Variants in MTRF1L observed in about 807,000 individuals in gnomAD.
MTRF1L encodes the protein mitochondrial translation release factor 1 like, also known as peptide chain release factor 1-like, mitochondrial.
MTRF1L carries 29 observed loss-of-function variants against 40.0 expected under a neutral mutation model. The ratio of observed to expected loss-of-function variants is 0.73; its 90% confidence interval spans 0.54 to 0.99. The LOEUF (loss-of-function observed/expected upper bound fraction) is 0.99. MTRF1L is among the 50% of genes least tolerant of loss of function. The probability of loss-of-function intolerance (pLI) is 0.00; values close to 1 mark genes in which losing one functional copy is unlikely to be tolerated. For synonymous variants in MTRF1L, 150 were observed against 175.8 expected (o/e 0.85, Z 1.16); for missense variants, 412 against 464.5 (o/e 0.89, Z 1.04).
rs1778376397 is a variant in MTRF1L at position 152,987,452 on chromosome 6, T to TCTTG, written c.*2439_*2442dup. ...TTGAGCAAAGGAGTGACGAGATCAG[T>TCTTG]CTTGCTTTTTAGAAAGATTAGTTTG... On this transcript the variant is annotated 3_prime_UTR_variant, in exon 7 of 7. Transcript: ENST00000367233. The TCTTG allele has an allele frequency of 6.6e-6, 1 of 152,160 alleles. No individual in the cohort carries two copies. Among genetic ancestry groups the TCTTG allele is most frequent in the South Asian group, 2.1e-4 (1 of 4,830 alleles). The allele number at this position is 152,160 out of a possible 1,614,324, so 9.4% of individuals were successfully genotyped here.
At chr6:152,994,203 C>G (rs188717763) in intron 4 of MTRF1L, among the ~76,000 whole-genome samples, 136 of 152,178 alleles carry the variant, frequency 8.9e-4, no homozygotes, top group African/African-American at 3.1e-3. Context: ...ACCAGTCACA[C>G]AAGGCAGAAG....
At chr6:152,999,798 T>G (rs1778847201) in intron 1 of MTRF1L, among the ~76,000 whole-genome samples, 1 of 152,254 alleles carries the variant, frequency 6.6e-6, no homozygotes, top group African/African-American at 2.4e-5. Context: ...GTTAGTCTAT[T>G]AAACCTCTTT....
At chr6:152,996,366 T>A (rs1778714305) in intron 2 of MTRF1L, among the ~76,000 whole-genome samples, 1 of 152,210 alleles carries the variant, frequency 6.6e-6, no homozygotes, top group Non-Finnish European at 1.5e-5. Context: ...TTTACTTCTG[T>A]TTGTTGATTA....
chr6:152,990,159 C>T (rs1778456134), intron 6 of MTRF1L, 64 bp from the exon 7 acceptor site: 6 of 1,564,482 alleles, frequency 3.8e-6, no homozygotes, highest in Non-Finnish European at 4.3e-6. Context: ...ACAAATTTAA[C>T]TTATTTGGAG....
chr6:152,991,988 C>T (rs919069284), intron 5 of MTRF1L, among the ~76,000 whole-genome samples: 6 of 152,098 alleles, frequency 3.9e-5, no homozygotes, highest in African/African-American at 1.2e-4. Context: ...CATGAAAAAT[C>T]CTATTACCAG....
intron 5 of MTRF1L, among the ~76,000 whole-genome samples, chr6:152,992,364 G>A (rs899698236): frequency 2.6e-5 from 4 of 152,124 alleles, no homozygotes; most frequent in Admixed American, 1.3e-4. Flanking sequence ...AGATCCCCTC[G>A]AAGTATGTGA....
At chr6:152,993,031 C>A in intron 4 of MTRF1L, 57 bp from the exon 5 acceptor site, 1 of 1,267,926 alleles carries the variant, frequency 7.9e-7, no homozygotes, top group Non-Finnish European at 1.1e-6. Context: ...TTTATAAAGG[C>A]AAGAGCGACC....
At chr6:152,998,656 G>T (rs772345184) in intron 1 of MTRF1L, 27 bp from the exon 2 acceptor site, 1 of 1,515,398 alleles carries the variant, frequency 6.6e-7, no homozygotes, top group Non-Finnish European at 8.9e-7. Context: ...AGAAGTTAAG[G>T]TTTTCCTTAA....
intron 5 of MTRF1L, 72 bp from the exon 6 acceptor site, chr6:152,991,393 T>A: frequency 7.0e-7 from 1 of 1,423,136 alleles, no homozygotes; most frequent in Non-Finnish European, 9.3e-7. Context: ...GGAATACTTT[T>A]CCTCCTCATC....
At chr6:152,991,509 A>C (rs1778515671) in intron 5 of MTRF1L, 188 bp from the exon 6 acceptor site, 1 of 593,452 alleles carries the variant, frequency 1.7e-6, no homozygotes, top group Non-Finnish European at 2.6e-6. Flanking sequence ...TGAAAATTTA[A>C]GTTTTGAGCA....
intron 2 of MTRF1L, 187 bp downstream of exon 2, chr6:152,998,363 C>T: frequency 2.4e-6 from 1 of 409,234 alleles, no homozygotes; most frequent in South Asian, 4.8e-5. Context: ...CAAAACATCA[C>T]ATCATATACC....
chr6:152,994,286 A>G (rs1443404277), intron 4 of MTRF1L, among the ~76,000 whole-genome samples: 1 of 152,248 alleles, frequency 6.6e-6, no homozygotes, highest in African/African-American at 2.4e-5. Context: ...CACAATAACT[A>G]CTTATTAGGA....
At chr6:152,996,537 T>C (rs530095624) in intron 2 of MTRF1L, among the ~76,000 whole-genome samples, 116 of 152,302 alleles carry the variant, frequency 7.6e-4, no homozygotes, top group African/African-American at 2.6e-3. Flanking sequence ...TTAGTAATTT[T>C]CACATTTGCC....
chr6:152,998,676 A>C (rs1299807429), intron 1 of MTRF1L, 47 bp from the exon 2 acceptor site: 3 of 1,309,230 alleles, frequency 2.3e-6, no homozygotes, highest in East Asian at 2.4e-5. Context: ...ATTAGTGTTA[A>C]ATTGCTAGCA....
chr6:152,993,707 A>G (rs1184894006), intron 4 of MTRF1L, among the ~76,000 whole-genome samples: 1 of 152,010 alleles, frequency 6.6e-6, no homozygotes, highest in African/African-American at 2.4e-5. Context: ...GAAAACTTCC[A>G]CCCCAAGATG....
At chr6:152,998,154 C>G (rs1167893711) in intron 2 of MTRF1L, 3 of 106,584 alleles carry the variant, frequency 2.8e-5, no homozygotes, top group Admixed American at 1.1e-4. Flanking sequence ...CTCCAGTCTT[C>G]TTAAAAAAAA....
At chr6:152,998,147 C>T (rs1352174755) in intron 2 of MTRF1L, 1 of 142,776 alleles carries the variant, frequency 7.0e-6, no homozygotes, top group Non-Finnish European at 1.5e-5. Flanking sequence ...TGTCTACCTC[C>T]AGTCTTCTTA....
At chr6:152,998,350 T>C in intron 2 of MTRF1L, 200 bp downstream of exon 2, 1 of 359,784 alleles carries the variant, frequency 2.8e-6, no homozygotes, top group Non-Finnish European at 5.0e-6. Flanking sequence ...TGTATGCATA[T>C]ATCAAAACAT....
Position 153,002,639 on chromosome 6 carries a change from C to T in MTRF1L, c.47G>A (p.Arg16His), listed in dbSNP as rs532528454. 1.2e-5 allele frequency: 18 copies of T among 1,525,506 alleles called. No homozygotes were observed. The highest frequency in any genetic ancestry group is 2.8e-5 in the African/African-American group (2 of 71,832). The allele number at this position is 1,525,506 out of a possible 1,614,324, so 94.5% of individuals were successfully genotyped here. Residue 16 changes from arginine to histidine, a missense_variant, in exon 1 of 7, where the codon CGC becomes CAC. Arg to His is a conservative substitution (Grantham distance 29, BLOSUM62 0). Transcript: ENST00000367233. ...CCGGCGGGCTGGGCCAACGGCCCGGCGGGGCCAGAGCCACCGGGCAGCGCC... is the reference window on the plus strand; with the variant it reads ...CCGGCGGGCTGGGCCAACGGCCCGGTGGGGCCAGAGCCACCGGGCAGCGCC... Reference protein sequence around the residue: ...LWGAARWLWPRRAVGPARRPL... With the variant: ...LWGAARWLWPHRAVGPARRPL...
Sources: allele counts gnomAD v4.1 joint callset (sites outside exome capture counted in the v4.1 genomes callset), GRCh38; gene constraint gnomAD v4.1.1; transcripts MANE v1.5; gene names NCBI Gene and HGNC (gene_info 2026-07-23, HGNC 2026-07-21).